Variants in PCDHGB2 observed in about 807,000 individuals in gnomAD.
The protein encoded by PCDHGB2 is protocadherin gamma subfamily B, 2.
In PCDHGB2, 55 loss-of-function variants were observed where a neutral mutation model predicts 59.3. The observed-to-expected ratio is 0.93, with a 90% confidence interval of 0.75 to 1.16. The LOEUF (loss-of-function observed/expected upper bound fraction) is 1.16, where lower values mean the gene tolerates loss of function less well. Ranked by LOEUF, PCDHGB2 falls within the 50% of genes most tolerant of loss-of-function variation. The pLI, the probability that PCDHGB2 is intolerant of heterozygous loss-of-function variation, is 0.00. For missense variants in PCDHGB2, 1,228 were observed against 1,198.5 expected (o/e 1.02, Z -0.36); for synonymous variants, 516 against 512.0 (o/e 1.01, Z -0.11).
At position 141,511,181 on chromosome 5, in the gene PCDHGB2, G is replaced by A. The variant is rs1301391138; in HGVS notation, c.*8G>A. On this transcript the variant is annotated 3_prime_UTR_variant, in exon 4 of 4. Transcript: ENST00000522605. Reference sequence around the variant, plus strand: ...AAGAAGGAGAAGAAGTAACATGGAGGCCAGGCCAAGAGCCACAGGGCGGCC... The same window carrying A: ...AAGAAGGAGAAGAAGTAACATGGAGACCAGGCCAAGAGCCACAGGGCGGCC... 6.2e-7 allele frequency: 1 copy of A among 1,614,016 alleles called. No homozygotes were observed. The highest frequency in any genetic ancestry group is 1.7e-5 in the Admixed American group (1 of 60,016).
intron 1 of PCDHGB2, chr5:141,365,650 G>A (rs1764040779): frequency 6.2e-7 from 1 of 1,613,296 alleles, no homozygotes; most frequent in South Asian, 1.1e-5. Flanking sequence ...ACATCCCCTT[G>A]AAAGTAGCAG....
At chr5:141,423,722 GT>G in intron 1 of PCDHGB2, 1 of 954,176 alleles carries the variant, frequency 1.0e-6, no homozygotes, top group Admixed American at 5.1e-5. Flanking sequence ...TTAAGGAGAT[GT>G]TTTTTGAGCC....
intron 3 of PCDHGB2, among the ~76,000 whole-genome samples, 193 bp downstream of exon 3, chr5:141,505,674 G>C (rs1482125302): frequency 6.6e-6 from 1 of 152,192 alleles, no homozygotes; most frequent in East Asian, 1.9e-4. Context: ...GGGGTTGGGG[G>C]TCCTGGGATG....
At position 141,477,866 on chromosome 5, in the gene PCDHGB2, A is replaced by G; in HGVS notation, c.2422-16941A>G. ...CTCGGTGGAGATGCTGCCTCGAGGT[A>G]CCTCAGCTGGCCACCTAGTGTCACG... On this transcript the variant is annotated intron_variant, in intron 1 of 3. Coordinates refer to ENST00000522605, the MANE Select transcript of PCDHGB2 (RefSeq NM_018923.3). This position sits in a 1 kb window ranked among gnomAD's most constrained non-coding sequence, Gnocchi z 4.9. 1 of 1,614,072 alleles carries G rather than the reference A, an allele frequency of 6.2e-7. No homozygotes were observed. Among genetic ancestry groups the G allele is most frequent in the Non-Finnish European group, 8.5e-7 (1 of 1,179,988 alleles).
intron 1 of PCDHGB2, among the ~76,000 whole-genome samples, chr5:141,435,590 A>G (rs1005651004): frequency 3.3e-5 from 5 of 152,210 alleles, no homozygotes; most frequent in African/African-American, 7.2e-5. Context: ...TTGCAGTAAT[A>G]TCGCCTGCTT....
chr5:141,379,082 T>C (rs982884901), intron 1 of PCDHGB2: 9 of 152,216 alleles, frequency 5.9e-5, no homozygotes, highest in Non-Finnish European at 1.2e-4. Flanking sequence ...CTGAATTTGT[T>C]ATGAATGTGT....
chr5:141,381,122 C>G (rs1328848955), intron 1 of PCDHGB2, among the ~76,000 whole-genome samples: 2 of 152,200 alleles, frequency 1.3e-5, no homozygotes, highest in Admixed American at 1.3e-4. Context: ...TCCCTGTATT[C>G]TGGAGCAATG....
intron 1 of PCDHGB2, chr5:141,419,472 G>A (rs1392935171): frequency 6.2e-7 from 1 of 1,612,330 alleles, no homozygotes; most frequent in Non-Finnish European, 8.5e-7. Flanking sequence ...CGCGACCAGG[G>A]CTCGCCCGCG....
In PCDHGB2 at chr5:141,365,825, G is replaced by T. The variant is rs772088278; in HGVS notation, c.2421+3269G>T. On this transcript the variant is annotated intron_variant, in intron 1 of 3. Transcript: ENST00000522605. Reference sequence around the variant, plus strand: ...CCTGGCTGAAGACACATTTCAGGGGGCGCCCTTGTCCTCCTATGTATCCAT... The same window carrying T: ...CCTGGCTGAAGACACATTTCAGGGGTCGCCCTTGTCCTCCTATGTATCCAT... 77 of 1,613,824 alleles carry T rather than the reference G, an allele frequency of 4.8e-5. No homozygotes were observed. In the Admixed American group the frequency reaches 5.7e-4, roughly 12 times the overall value.
Position 141,405,029 on chromosome 5 carries a change from C to G in PCDHGB2, c.2421+42473C>G, listed in dbSNP as rs565871444. 16 of 1,613,976 alleles carry G rather than the reference C, an allele frequency of 9.9e-6. No individual in the cohort carries two copies. The Admixed American group carries it at 1.0e-4, about 10-fold the overall frequency. On this transcript the variant is annotated intron_variant, in intron 1 of 3. Coordinates refer to ENST00000522605, the MANE Select transcript of PCDHGB2 (RefSeq NM_018923.3). ...GGAGGCCTCAGACCTTACCCTCTAC[C>G]TCGTTGTGGCTGTGGCAGTCGTCTC...
chr5:141,461,438 T>C (rs1034260263), intron 1 of PCDHGB2, among the ~76,000 whole-genome samples: 3 of 152,200 alleles, frequency 2.0e-5, no homozygotes, highest in African/African-American at 7.2e-5. Flanking sequence ...GTATACCTTC[T>C]TTTGAGAAAT....
rs751153896 is a variant in PCDHGB2, at chr5:141,477,514, T to C, written c.2422-17293T>C. On this transcript the variant is annotated intron_variant, in intron 1 of 3. Transcript: ENST00000522605. The surrounding 1 kb of genome is among the most constrained non-coding windows in gnomAD (Gnocchi z 4.9). ...CTCAATCTTCCTACGACGTTTACAT[T>C]GAAGAAAACAACCTCCCCGGGGCTC... is the stretch of plus-strand genomic sequence containing the variant. 2 of 1,614,114 alleles carry C rather than the reference T, an allele frequency of 1.2e-6. No individual in the cohort carries two copies. The highest frequency in any genetic ancestry group is 2.2e-5 in the East Asian group (1 of 44,878).
At position 141,371,931 on chromosome 5, in the gene PCDHGB2, G is replaced by A. The variant is rs934034667; in HGVS notation, c.2421+9375G>A. 21 of 1,613,254 alleles carry A rather than the reference G, an allele frequency of 1.3e-5. No homozygotes were observed. The Middle Eastern group carries it at 4.9e-4, about 38-fold the overall frequency. ...CGTGTCCGTGAGCGCGCGGAGCGGG[G>A]TGGTGTTCGCGCAGCGAGCCTTCGA... On this transcript the variant is annotated intron_variant, in intron 1 of 3. Transcript: ENST00000522605.
chr5:141,389,314 C>T (rs2091698838), intron 1 of PCDHGB2: 2 of 1,613,880 alleles, frequency 1.2e-6, no homozygotes, highest in Non-Finnish European at 8.5e-7. Context: ...GCTTCTGATC[C>T]GGACTTGGGG....
intron 1 of PCDHGB2, chr5:141,419,490 C>G (rs2096390495): frequency 8.1e-6 from 13 of 1,612,414 alleles, no homozygotes; most frequent in Non-Finnish European, 1.1e-5. Context: ...GCGCTCAGCG[C>G]CAATGTGAGC....
intron 1 of PCDHGB2, chr5:141,409,549 C>T: frequency 6.2e-7 from 1 of 1,614,004 alleles, no homozygotes; most frequent in Non-Finnish European, 8.5e-7. Context: ...ACGACAACGC[C>T]CCAGTTTTCG....
chr5:141,461,323 T>C (rs2099013372), intron 1 of PCDHGB2, among the ~76,000 whole-genome samples: 1 of 152,176 alleles, frequency 6.6e-6, no homozygotes, highest in African/African-American at 2.4e-5. Context: ...TTTTTAATAA[T>C]GGCCATTCTT....
rs766050828 is a variant in PCDHGB2, at chr5:141,394,215, G to A, written c.2421+31659G>A. The A allele has an allele frequency of 1.9e-6, 3 of 1,613,902 alleles. No individual in the cohort carries two copies. The South Asian group carries it at 3.3e-5, about 18-fold the overall frequency. ...GTATATCCTAGAGAACAACCTGAGA[G>A]GAGCCTCCATCTTTTCCTTGACTGC... is the stretch of plus-strand genomic sequence containing the variant. On this transcript the variant is annotated intron_variant, in intron 1 of 3. Transcript: ENST00000522605.
In PCDHGB2 at chr5:141,492,559, C is replaced by A. The variant is rs533830391; in HGVS notation, c.2422-2248C>A. ...GGGCTGGGCCGGGTCGCCTGGGGGG[C>A]GGCCTGAGCGAGGCGCGGGGCCAGG... On this transcript the variant is annotated intron_variant, in intron 1 of 3. Coordinates refer to ENST00000522605, the MANE Select transcript of PCDHGB2 (RefSeq NM_018923.3). 2.6e-5 allele frequency among the ~76,000 whole-genome samples: 4 copies of A among 152,292 alleles called. No individual in the cohort carries two copies. The East Asian group carries it at 7.7e-4, about 29-fold the overall frequency.
Sources: allele counts gnomAD v4.1 joint callset (sites outside exome capture counted in the v4.1 genomes callset), GRCh38; gene constraint gnomAD v4.1.1; non-coding constraint Gnocchi (gnomAD v3.1); transcripts MANE v1.5; gene names NCBI Gene and HGNC (gene_info 2026-07-23, HGNC 2026-07-21).